The following PTPRD variants were observed in gnomAD, a reference collection of about 807,000 sequenced individuals.
The protein encoded by PTPRD is receptor-type tyrosine-protein phosphatase delta.
In PTPRD, 34 loss-of-function variants were observed where a neutral mutation model predicts 214.5. The ratio of observed to expected loss-of-function variants is 0.16; its 90% CI spans 0.12 to 0.21. PTPRD has a LOEUF of 0.21. Ranked by LOEUF, PTPRD falls within the 10% of genes least tolerant of loss-of-function variation. The probability of loss-of-function intolerance (pLI) is 1.00; values close to 1 mark genes in which losing one functional copy is unlikely to be tolerated. For synonymous variants in PTPRD, 1,128 were observed against 845.7 expected, an observed-to-expected ratio of 1.33 and a Z score of -5.79; for missense variants, 2,545 against 2,398.7, an observed-to-expected ratio of 1.06 and a Z score of -1.27.
At chr9:10,171,549 G>GACTCTCGC (rs2099205952) in intron 3 of PTPRD, among the ~76,000 whole-genome samples, 1 of 152,048 alleles carries the variant, frequency 6.6e-6, no homozygotes, top group Non-Finnish European at 1.5e-5. Context: ...TTTTGAGACA[G>GACTCTCGC]ACTCTCGCTC....
Position 9,275,125 on chromosome 9 carries a change from ATAT to A in PTPRD, c.-202-91765_-202-91763del, listed in dbSNP as rs1399560895. ...ATAATATATTATATATATATTATAT[ATAT>A]TATATATAATATATATATAATATAT... On this transcript the variant is annotated intron_variant, in intron 9 of 45. Coordinates refer to ENST00000381196, the MANE Select transcript of PTPRD (RefSeq NM_002839.4). 7.1e-3 allele frequency among the ~76,000 whole-genome samples: 423 copies of A among 59,232 alleles called. 4 individuals are homozygous for A. Among genetic ancestry groups the A allele is most frequent in the Non-Finnish European group, 1.0e-2 (331 of 33,188 alleles). 38.9% of individuals were successfully genotyped at this position (59,232 alleles called of 152,430 possible).
chr9:10,586,514 C>T (rs2073933774), intron 2 of PTPRD, among the ~76,000 whole-genome samples: 1 of 151,938 alleles, frequency 6.6e-6, no homozygotes, highest in Non-Finnish European at 1.5e-5. Flanking sequence ...CTATATAGTA[C>T]CTTGTGAGAC....
At chr9:8,636,406 G>A (rs879929854) in intron 13 of PTPRD, among the ~76,000 whole-genome samples, 3 of 152,112 alleles carry the variant, frequency 2.0e-5, no homozygotes, top group Non-Finnish European at 2.9e-5. Context: ...TCCTACAGAC[G>A]TGGTCCTGTG....
chr9:10,434,117 T>C (rs148271501), intron 2 of PTPRD, among the ~76,000 whole-genome samples: 91 of 152,000 alleles, frequency 6.0e-4, no homozygotes, highest in African/African-American at 1.6e-3. Context: ...CCCACAAAAA[T>C]ATGTCTGCAA....
At position 8,341,679 on chromosome 9, in the gene PTPRD, A is replaced by G. The variant is rs1007889809; in HGVS notation, c.4947+14T>C. On this transcript the variant is annotated intron_variant, in intron 40 of 45. Coordinates refer to ENST00000381196, the MANE Select transcript of PTPRD (RefSeq NM_002839.4). ...ACTTGCTCCTGAATAACCACATCAC[A>G]TCCAATACCATACCTTAAATTCGAG... 1 of 1,612,312 alleles carries G rather than the reference A, an allele frequency of 6.2e-7. No homozygotes were observed. Among genetic ancestry groups the G allele is most frequent in the African/African-American group, 1.3e-5 (1 of 74,840 alleles).
chr9:9,985,234 G>T (rs1276906197), intron 4 of PTPRD, among the ~76,000 whole-genome samples: 2 of 152,144 alleles, frequency 1.3e-5, no homozygotes, highest in African/African-American at 4.8e-5. Flanking sequence ...GTCCTCTTGT[G>T]CGTACTTTTC....
At chr9:9,810,096 T>C (rs2046662315) in intron 5 of PTPRD, among the ~76,000 whole-genome samples, 1 of 118,484 alleles carries the variant, frequency 8.4e-6, no homozygotes, top group South Asian at 2.5e-4. Flanking sequence ...AGTGTAAAGA[T>C]GAAGATGAAG....
chr9:9,939,111 A>T (rs2090601735), intron 4 of PTPRD, among the ~76,000 whole-genome samples: 1 of 152,026 alleles, frequency 6.6e-6, no homozygotes, highest in South Asian at 2.1e-4. Flanking sequence ...TGTATTTCTC[A>T]ACTTGAGAGA....
At chr9:9,254,201 C>T (rs915932577) in intron 9 of PTPRD, among the ~76,000 whole-genome samples, 5 of 152,008 alleles carry the variant, frequency 3.3e-5, no homozygotes, top group South Asian at 2.1e-4. Context: ...CTTATGGGGG[C>T]GGGGCGGGGC....
At chr9:9,501,172 T>A (rs1407512407) in intron 8 of PTPRD, among the ~76,000 whole-genome samples, 3 of 151,874 alleles carry the variant, frequency 2.0e-5, no homozygotes, top group African/African-American at 7.3e-5. Flanking sequence ...TTACTTGAAA[T>A]GTGAATGGAT....
chr9:8,863,297 G>A (rs1271323088), intron 11 of PTPRD, among the ~76,000 whole-genome samples: 1 of 152,080 alleles, frequency 6.6e-6, no homozygotes, highest in Non-Finnish European at 1.5e-5. Context: ...TGTGACAAAT[G>A]GATATTCCCA....
At chr9:8,881,951 C>T (rs984618048) in intron 11 of PTPRD, among the ~76,000 whole-genome samples, 4 of 152,154 alleles carry the variant, frequency 2.6e-5, no homozygotes, top group Non-Finnish European at 5.9e-5. Context: ...TCACCAAGAA[C>T]CATGTTTTTT....
chr9:8,471,292 T>A (rs543079238), intron 30 of PTPRD, among the ~76,000 whole-genome samples: 5 of 152,236 alleles, frequency 3.3e-5, no homozygotes, highest in African/African-American at 1.2e-4. Flanking sequence ...ATTGCAGTGA[T>A]CTTGTATGGT....
chr9:10,476,956 C>G (rs558028159), intron 2 of PTPRD, among the ~76,000 whole-genome samples: 41 of 152,134 alleles, frequency 2.7e-4, no homozygotes, highest in Admixed American at 1.4e-3. Flanking sequence ...GAAATTGGAC[C>G]CCTTACTTAG....
intron 36 of PTPRD, among the ~76,000 whole-genome samples, chr9:8,401,967 C>G (rs1003047410): frequency 1.3e-5 from 2 of 152,060 alleles, no homozygotes; most frequent in South Asian, 4.1e-4. Flanking sequence ...AAAAGCTGGC[C>G]CTGTATTATC....
intron 8 of PTPRD, among the ~76,000 whole-genome samples, chr9:9,412,690 C>T (rs1375078507): frequency 2.0e-5 from 3 of 152,078 alleles, no homozygotes; most frequent in African/African-American, 7.2e-5. Context: ...TATATTTTTA[C>T]TTGTATTTGT....
chr9:8,653,960 T>G (rs748441935), intron 12 of PTPRD, among the ~76,000 whole-genome samples: 6 of 152,190 alleles, frequency 3.9e-5, no homozygotes, highest in Non-Finnish European at 7.4e-5. Context: ...TCTCTTCCTC[T>G]TTAACAGCTA....
At chr9:10,258,978 G>A (rs1346485450) in intron 3 of PTPRD, among the ~76,000 whole-genome samples, 1 of 152,026 alleles carries the variant, frequency 6.6e-6, no homozygotes, top group African/African-American at 2.4e-5. Flanking sequence ...AAAGGTATCT[G>A]TTTCTGTTGT....
At chr9:10,027,130 A>G (rs550216398) in intron 4 of PTPRD, among the ~76,000 whole-genome samples, 1 of 152,352 alleles carries the variant, frequency 6.6e-6, no homozygotes, top group South Asian at 2.1e-4. Context: ...GATTCCTGAA[A>G]ATCTTACACT....
Sources: allele counts gnomAD v4.1 joint callset (sites outside exome capture counted in the v4.1 genomes callset), GRCh38; gene constraint gnomAD v4.1.1; transcripts MANE v1.5; gene names NCBI Gene and HGNC (gene_info 2026-07-23, HGNC 2026-07-21).